GALNT7: variants seen among roughly 807,000 people sequenced by gnomAD.
GALNT7 encodes the protein N-acetylgalactosaminyltransferase 7.
GALNT7 carries 60 observed loss-of-function variants against 82.1 expected under a neutral mutation model. The ratio of observed to expected loss-of-function variants is 0.73; its 90% CI spans 0.59 to 0.91. GALNT7 has a LOEUF of 0.91. GALNT7 is among the 40% of genes least tolerant of loss of function. The pLI is 0.00. For missense variants in GALNT7, 660 were observed against 804.2 expected, an observed-to-expected ratio of 0.82 and a Z score of 2.17; for synonymous variants, 243 against 275.1, an observed-to-expected ratio of 0.88 and a Z score of 1.15.
intron 3 of GALNT7, 146 bp from the exon 4 acceptor site, chr4:173,295,250 G>C (rs113755777): frequency 3.3e-6 from 2 of 597,118 alleles, no homozygotes; most frequent in East Asian, 2.9e-5. Context: ...AATATACTTC[G>C]CCTTCCTTCT....
At chr4:173,187,653 G>T (rs1174360400) in intron 1 of GALNT7, among the ~76,000 whole-genome samples, 6 of 152,146 alleles carry the variant, frequency 3.9e-5, no homozygotes, top group African/African-American at 1.2e-4. Flanking sequence ...CCCCAACATA[G>T]TTCATAACTT....
At chr4:173,184,550 A>G (rs1732405586) in intron 1 of GALNT7, among the ~76,000 whole-genome samples, 1 of 148,970 alleles carries the variant, frequency 6.7e-6, no homozygotes, top group Non-Finnish European at 1.5e-5. Context: ...TGGCGGCAGT[A>G]CAGTCCAGCC....
intron 2 of GALNT7, among the ~76,000 whole-genome samples, chr4:173,261,153 G>A (rs1174941314): frequency 6.6e-6 from 1 of 152,114 alleles, no homozygotes; most frequent in African/African-American, 2.4e-5. Context: ...AGTTTAGGGT[G>A]GTGTGCAGCC....
At chr4:173,188,457 G>C (rs540981163) in intron 1 of GALNT7, among the ~76,000 whole-genome samples, 5 of 152,122 alleles carry the variant, frequency 3.3e-5, no homozygotes, top group Non-Finnish European at 7.4e-5. Flanking sequence ...GAGATTTCAC[G>C]GCATACATTG....
chr4:173,183,912 A>G (rs956917019), intron 1 of GALNT7, among the ~76,000 whole-genome samples: 3 of 145,160 alleles, frequency 2.1e-5, no homozygotes, highest in Non-Finnish European at 3.0e-5. Context: ...GGGGCTCCTC[A>G]CTTCTCAGAC....
chr4:173,307,473 C>G (rs919314188), intron 8 of GALNT7, among the ~76,000 whole-genome samples: 1 of 152,218 alleles, frequency 6.6e-6, no homozygotes, highest in Non-Finnish European at 1.5e-5. Flanking sequence ...GCCTAGGTCT[C>G]TATGGCAGCT....
At chr4:173,209,589 C>T (rs1026879876) in intron 1 of GALNT7, among the ~76,000 whole-genome samples, 4 of 152,220 alleles carry the variant, frequency 2.6e-5, no homozygotes, top group African/African-American at 9.7e-5. Flanking sequence ...TCTCCTTCCA[C>T]TACCTGACAC....
intron 1 of GALNT7, among the ~76,000 whole-genome samples, chr4:173,239,608 G>C (rs796996051): frequency 6.6e-5 from 10 of 152,320 alleles, no homozygotes; most frequent in African/African-American, 2.4e-4. Flanking sequence ...GGAGGGCAGA[G>C]TTTCCCAGGA....
At chr4:173,198,614 T>C (rs1013706301) in intron 1 of GALNT7, among the ~76,000 whole-genome samples, 2 of 152,332 alleles carry the variant, frequency 1.3e-5, no homozygotes, top group African/African-American at 2.4e-5. Context: ...CCTGAAGGAA[T>C]GTAACTTTCT....
At chr4:173,223,790 T>C (rs1456250128) in intron 1 of GALNT7, among the ~76,000 whole-genome samples, 2 of 152,240 alleles carry the variant, frequency 1.3e-5, no homozygotes, top group African/African-American at 2.4e-5. Flanking sequence ...ATTTGGTTTC[T>C]CTCTCTGCCT....
chr4:173,170,646 C>T (rs1731829647), intron 1 of GALNT7, among the ~76,000 whole-genome samples: 1 of 152,150 alleles, frequency 6.6e-6, no homozygotes, highest in African/African-American at 2.4e-5. Flanking sequence ...TATAATTTTG[C>T]TCTCAATATG....
intron 2 of GALNT7, among the ~76,000 whole-genome samples, chr4:173,279,559 C>A (rs1242869908): frequency 6.6e-6 from 1 of 152,184 alleles, no homozygotes; most frequent in Non-Finnish European, 1.5e-5. Flanking sequence ...ACATTAGTAA[C>A]ATATTCAAGT....
intron 1 of GALNT7, among the ~76,000 whole-genome samples, chr4:173,226,613 C>A (rs914856191): frequency 6.6e-6 from 1 of 152,142 alleles, no homozygotes; most frequent in Non-Finnish European, 1.5e-5. Flanking sequence ...GAAAATTACT[C>A]ACTCTCAGCT....
intron 1 of GALNT7, among the ~76,000 whole-genome samples, chr4:173,224,407 T>C (rs1009935502): frequency 6.6e-6 from 1 of 152,148 alleles, no homozygotes; most frequent in Non-Finnish European, 1.5e-5. Flanking sequence ...TCAGTTCTTT[T>C]TAGTGAAGGA....
chr4:173,282,010 T>C lies in GALNT7; in HGVS notation c.588-10098T>C, dbSNP rs115048508. The stretch of plus-strand genomic sequence containing the variant: ...GGGTGGGGGTGGAGTGAAAGTTTAA[T>C]AAGCGAAAGAAAGCACTTCGCAGCG... On this transcript the variant is annotated intron_variant, in intron 2 of 11. Transcript: ENST00000265000. Among the ~76,000 whole-genome samples, 805 of 152,286 alleles carry C rather than the reference T, an allele frequency of 5.3e-3. 10 individuals carry two copies. Among genetic ancestry groups the C allele is most frequent in the African/African-American group, 0.019 (778 of 41,558 alleles).
intron 2 of GALNT7, among the ~76,000 whole-genome samples, chr4:173,271,738 T>A (rs1388493258): frequency 6.6e-6 from 1 of 152,222 alleles, no homozygotes; most frequent in Non-Finnish European, 1.5e-5. Flanking sequence ...ATTATAGATG[T>A]GAGCCACTGT....
At chr4:173,232,893 AC>A (rs1734077315) in intron 1 of GALNT7, among the ~76,000 whole-genome samples, 1 of 151,512 alleles carries the variant, frequency 6.6e-6, no homozygotes, top group Non-Finnish European at 1.5e-5. Flanking sequence ...ATCTCTCTTT[AC>A]CCCTTTCCCC....
intron 1 of GALNT7, among the ~76,000 whole-genome samples, chr4:173,179,224 A>G (rs2126625565): frequency 6.6e-6 from 1 of 152,390 alleles, no homozygotes; most frequent in South Asian, 2.1e-4. Flanking sequence ...AATAGGCAGT[A>G]ACTGAGAAAT....
intron 2 of GALNT7, among the ~76,000 whole-genome samples, chr4:173,261,293 A>T (rs1735248276): frequency 6.6e-6 from 1 of 152,204 alleles, no homozygotes; most frequent in East Asian, 1.9e-4. Flanking sequence ...CATTTCACCT[A>T]ATGGGCACAG....
Sources: gnomAD v4.1 joint callset for allele counts (sites outside exome capture counted in the v4.1 genomes callset) on GRCh38, gnomAD v4.1.1 for gene constraint, MANE v1.5 for transcripts, NCBI Gene and HGNC (gene_info 2026-07-23, HGNC 2026-07-21) for gene names.